NKAIN2: variants seen among roughly 807,000 people sequenced by gnomAD.
NKAIN2 encodes the protein sodium/potassium transporting ATPase interacting 2, also known as sodium/potassium-transporting ATPase subunit beta-1-interacting protein 2.
In NKAIN2, 14 loss-of-function variants were observed where a neutral mutation model predicts 32.6. The ratio of observed to expected loss-of-function variants is 0.43; its 90% CI spans 0.28 to 0.67. NKAIN2 has a LOEUF of 0.67. Ranked by LOEUF, NKAIN2 falls within the 30% of genes least tolerant of loss-of-function variation. The pLI, the probability that NKAIN2 is intolerant of heterozygous loss-of-function variation, is 0.17. For synonymous variants in NKAIN2, 80 were observed against 87.2 expected, an observed-to-expected ratio of 0.92 and a Z score of 0.46; for missense variants, 198 against 258.3, an observed-to-expected ratio of 0.77 and a Z score of 1.60.
At chr6:124,523,081 T>TG (rs1645996082) in intron 3 of NKAIN2, among the ~76,000 whole-genome samples, 1 of 82,200 alleles carries the variant, frequency 1.2e-5, no homozygotes. Context: ...AGGCGGAGCT[T>TG]GCAGTGAGCC....
intron 1 of NKAIN2, among the ~76,000 whole-genome samples, chr6:124,160,201 G>A (rs1788200121): frequency 6.6e-6 from 1 of 152,074 alleles, no homozygotes. Context: ...GAGCTAGAGG[G>A]TAGGAAAATT....
rs1674241245 is a variant in NKAIN2, at chr6:124,455,193, T to TC, written c.273+99846_273+99847insC. ...GTTAGAAATCATTGAGAAAAAAGAG[T>TC]ATTTAATTTTTAATGAGTATGCATG... On this transcript the variant is annotated intron_variant, in intron 3 of 6. Coordinates refer to ENST00000368417, the MANE Select transcript of NKAIN2 (RefSeq NM_001040214.3). 1.3e-5 allele frequency among the ~76,000 whole-genome samples: 2 copies of TC among 151,630 alleles called. 1 individual carries two copies. Among genetic ancestry groups the TC allele is most frequent in the South Asian group, 4.2e-4 (2 of 4,798 alleles).
intron 4 of NKAIN2, among the ~76,000 whole-genome samples, chr6:124,659,810 T>G (rs75343767): frequency 6.6e-6 from 1 of 152,166 alleles, no homozygotes; most frequent in East Asian, 1.9e-4. Flanking sequence ...TCCCACCCAA[T>G]CACAGAATGG....
intron 2 of NKAIN2, among the ~76,000 whole-genome samples, chr6:124,286,237 GTTTC>G (rs767568945): frequency 6.6e-6 from 1 of 151,714 alleles, no homozygotes; most frequent in Non-Finnish European, 1.5e-5. Flanking sequence ...CTATTTCATT[GTTTC>G]TTTAAGCCTT....
intron 1 of NKAIN2, among the ~76,000 whole-genome samples, chr6:124,008,022 A>T (rs1780151419): frequency 6.6e-6 from 1 of 152,138 alleles, no homozygotes; most frequent in Admixed American, 6.6e-5. Context: ...ATGGCATGGG[A>T]CCGTGTCCTG....
At chr6:123,906,957 C>T (rs1484050554) in intron 1 of NKAIN2, among the ~76,000 whole-genome samples, 1 of 152,150 alleles carries the variant, frequency 6.6e-6, no homozygotes, top group Non-Finnish European at 1.5e-5. Flanking sequence ...GACTCAAAGA[C>T]AAGTACTTTT....
chr6:124,273,019 T>C (rs1794867720), intron 1 of NKAIN2, among the ~76,000 whole-genome samples: 1 of 152,236 alleles, frequency 6.6e-6, no homozygotes, highest in South Asian at 2.1e-4. Context: ...TTTTACAGGC[T>C]CATAGGTGGA....
intron 3 of NKAIN2, among the ~76,000 whole-genome samples, chr6:124,410,960 T>C (rs2114495501): frequency 6.6e-6 from 1 of 152,190 alleles, no homozygotes; most frequent in Middle Eastern, 3.4e-3. Flanking sequence ...TCTTTTGATC[T>C]TTGTTGGTTT....
intron 1 of NKAIN2, among the ~76,000 whole-genome samples, chr6:124,270,450 A>G (rs1316994092): frequency 6.6e-6 from 1 of 152,210 alleles, no homozygotes; most frequent in African/African-American, 2.4e-5. Flanking sequence ...CCTAGTTGAC[A>G]AATTTCAAAT....
chr6:124,077,011 T>G (rs542627171), intron 1 of NKAIN2, among the ~76,000 whole-genome samples: 1 of 152,338 alleles, frequency 6.6e-6, no homozygotes, highest in Non-Finnish European at 1.5e-5. Context: ...TTTAGATGAA[T>G]GTATATAAAG....
At chr6:124,714,585 T>G (rs894431828) in intron 4 of NKAIN2, among the ~76,000 whole-genome samples, 2 of 152,190 alleles carry the variant, frequency 1.3e-5, no homozygotes, top group African/African-American at 4.8e-5. Context: ...GGGCTACACA[T>G]TTAAAGCCTT....
chr6:124,202,019 A>T (rs562210623), intron 1 of NKAIN2, among the ~76,000 whole-genome samples: 47 of 151,974 alleles, frequency 3.1e-4, no homozygotes, highest in Non-Finnish European at 5.9e-4. Flanking sequence ...TAATTCTCAG[A>T]CTACCTGTAA....
chr6:123,865,749 A>C (rs1259955634), intron 1 of NKAIN2, among the ~76,000 whole-genome samples: 1 of 152,216 alleles, frequency 6.6e-6, no homozygotes, highest in African/African-American at 2.4e-5. Context: ...AGCCATTGCC[A>C]TTACACCAAA....
chr6:123,826,002 T>C (rs2114900813), intron 1 of NKAIN2, among the ~76,000 whole-genome samples: 1 of 152,312 alleles, frequency 6.6e-6, no homozygotes, highest in South Asian at 2.1e-4. Context: ...CATTTAAAAA[T>C]AGATAACTAC....
intron 4 of NKAIN2, among the ~76,000 whole-genome samples, chr6:124,712,487 C>G (rs1260761995): frequency 3.5e-5 from 4 of 115,322 alleles, no homozygotes; most frequent in Non-Finnish European, 5.5e-5. Flanking sequence ...GGGCGTAGGA[C>G]CCTCCAAGCC....
chr6:124,025,120 G>A (rs1414822592), intron 1 of NKAIN2, among the ~76,000 whole-genome samples: 1 of 152,182 alleles, frequency 6.6e-6, no homozygotes, highest in African/African-American at 2.4e-5. Context: ...AAGATCTAGA[G>A]TACAGGGAAA....
At chr6:123,848,802 T>G (rs1272530896) in intron 1 of NKAIN2, among the ~76,000 whole-genome samples, 1 of 152,194 alleles carries the variant, frequency 6.6e-6, no homozygotes, top group Non-Finnish European at 1.5e-5. Context: ...GTGATATCTC[T>G]TTAATATATT....
intron 3 of NKAIN2, among the ~76,000 whole-genome samples, chr6:124,590,124 A>C (rs377004438): frequency 6.6e-6 from 1 of 152,170 alleles, no homozygotes; most frequent in Non-Finnish European, 1.5e-5. Flanking sequence ...GTGGAAACCC[A>C]AAGAGCAAGC....
intron 1 of NKAIN2, among the ~76,000 whole-genome samples, chr6:123,981,799 T>A (rs575334365): frequency 9.9e-5 from 15 of 152,106 alleles, no homozygotes; most frequent in African/African-American, 3.6e-4. Flanking sequence ...TTTCTTGAGA[T>A]GTGAGTGTGT....
Sources: allele counts gnomAD v4.1 joint callset (sites outside exome capture counted in the v4.1 genomes callset), GRCh38; gene constraint gnomAD v4.1.1; transcripts MANE v1.5; gene names NCBI Gene and HGNC (gene_info 2026-07-23, HGNC 2026-07-21).